Variants in SLC27A6 observed in about 807,000 individuals in gnomAD.
SLC27A6 encodes long-chain fatty acid transport protein 6.
SLC27A6 carries 74 observed loss-of-function variants against 63.9 expected under a neutral mutation model. That is an observed-to-expected ratio of 1.16 (90% confidence interval 0.96 to 1.40). SLC27A6 has a LOEUF of 1.40. Among genes scored for constraint, SLC27A6 ranks in the 40% most tolerant of loss-of-function variants. SLC27A6 has a pLI of 0.00. For synonymous variants in SLC27A6, 287 were observed against 260.8 expected, an observed-to-expected ratio of 1.10 and a Z score of -0.97; for missense variants, 794 against 732.9, an observed-to-expected ratio of 1.08 and a Z score of -0.96.
chr5:128,970,630 C>A (rs1750111437), intron 1 of SLC27A6, among the ~76,000 whole-genome samples: 1 of 151,942 alleles, frequency 6.6e-6, no homozygotes, highest in African/African-American at 2.4e-5. Flanking sequence ...TTTATTGTGT[C>A]TATTTGACTC....
intron 4 of SLC27A6, among the ~76,000 whole-genome samples, chr5:129,015,624 C>CA (rs1209698295): frequency 2.2e-4 from 33 of 149,482 alleles, no homozygotes; most frequent in Non-Finnish European, 2.2e-4. Flanking sequence ...GACATTTACC[C>CA]AAAAAAAAAG....
rs546066069 is a variant in SLC27A6, at chr5:129,018,157, A to G, written c.1164+2078A>G. ...TTCCAGAGCACCCTACTCAAGCCAT[A>G]TTTAGAACTGCTTTTGAAGAGATCT... On this transcript the variant is annotated intron_variant, in intron 5 of 9. Coordinates refer to ENST00000262462, the MANE Select transcript of SLC27A6 (RefSeq NM_001017372.3). Among the ~76,000 whole-genome samples, 7 of 152,232 alleles carry G rather than the reference A, an allele frequency of 4.6e-5. No homozygotes were observed. The South Asian group carries it at 1.5e-3, about 32-fold the overall frequency.
At chr5:128,989,899 G>A (rs1750917152) in intron 3 of SLC27A6, among the ~76,000 whole-genome samples, 1 of 150,348 alleles carries the variant, frequency 6.7e-6, no homozygotes, top group Non-Finnish European at 1.5e-5. Context: ...ACTCCAGCCT[G>A]GATGACAGGG....
intron 4 of SLC27A6, among the ~76,000 whole-genome samples, chr5:128,998,387 ATG>A (rs1751229382): frequency 6.6e-6 from 1 of 151,374 alleles, no homozygotes; most frequent in Admixed American, 6.6e-5. Flanking sequence ...ATTTTGTAGA[ATG>A]TATTTATAAA....
chr5:129,033,431 G>T lies in SLC27A6; in HGVS notation c.*149G>T. 2.3e-6 allele frequency: 1 copy of T among 429,732 alleles called. No individual in the cohort carries two copies. Among genetic ancestry groups the T allele is most frequent in the Non-Finnish European group, 4.1e-6 (1 of 242,458 alleles). The allele number at this position is 429,732 out of a possible 1,614,324, so 26.6% of individuals were successfully genotyped here. A position where few individuals can be genotyped will look rare whatever the true frequency, so the allele number is the denominator to read the frequency against. On this transcript the variant is annotated 3_prime_UTR_variant, in exon 10 of 10. Transcript: ENST00000262462. ...GAGAGATAATTTTTTAATTGCATAA[G>T]AATTTTAATTTCTTTTAATTGATAT...
intron 1 of SLC27A6, among the ~76,000 whole-genome samples, chr5:128,972,627 A>G (rs1224329824): frequency 1.3e-5 from 2 of 152,098 alleles, no homozygotes; most frequent in African/African-American, 4.8e-5. Context: ...CATGTCATTT[A>G]AAGTCCTCTC....
At chr5:129,011,007 T>C (rs1216480368) in intron 4 of SLC27A6, among the ~76,000 whole-genome samples, 1 of 152,206 alleles carries the variant, frequency 6.6e-6, no homozygotes, top group African/African-American at 2.4e-5. Flanking sequence ...TAGAAGACTA[T>C]TCCATTATGT....
intron 4 of SLC27A6, among the ~76,000 whole-genome samples, chr5:129,008,590 C>T (rs556767936): frequency 5.9e-5 from 9 of 152,266 alleles, no homozygotes; most frequent in Admixed American, 1.3e-4. Flanking sequence ...TGCTGTTTGA[C>T]GCAGGAAAAT....
At chr5:129,018,302 G>A (rs1751973704) in intron 5 of SLC27A6, among the ~76,000 whole-genome samples, 1 of 152,028 alleles carries the variant, frequency 6.6e-6, no homozygotes, top group African/African-American at 2.4e-5. Flanking sequence ...ACACCTGGAA[G>A]CAACAAAGTA....
chr5:128,986,963 G>A (rs1750809869), intron 2 of SLC27A6, among the ~76,000 whole-genome samples: 1 of 152,118 alleles, frequency 6.6e-6, no homozygotes, highest in Non-Finnish European at 1.5e-5. Context: ...GAAACTATAA[G>A]CAGGAAACTT....
intron 1 of SLC27A6, among the ~76,000 whole-genome samples, chr5:128,968,749 C>T (rs938412022): frequency 6.6e-6 from 1 of 151,890 alleles, no homozygotes; most frequent in Non-Finnish European, 1.5e-5. Context: ...TTTTGCTGTA[C>T]AGAAGCTCTT....
Position 128,990,464 on chromosome 5 carries a change from G to C in SLC27A6, c.969G>C (p.Lys323Asn), listed in dbSNP as rs761577378. 8 of 1,606,618 alleles carry C rather than the reference G, an allele frequency of 5.0e-6. No homozygotes were observed. In the South Asian group the frequency reaches 9.0e-5, roughly 18 times the overall value. The change falls in exon 4 of 10, where the codon AAG (lysine) becomes AAC (asparagine). Residue 323 changes from lysine to asparagine, a missense_variant and splice_region_variant. Coordinates refer to ENST00000262462, the MANE Select transcript of SLC27A6 (RefSeq NM_001017372.3). ...GTCGCTACCTTTGCAAACAATCTAA[G>C]GTAGGCGTAATCATTATCAGAAAAA... ...ELCRYLCKQSKREGEKDHKVR... is the reference protein window; with the variant it reads ...ELCRYLCKQSNREGEKDHKVR...
intron 9 of SLC27A6, 134 bp downstream of exon 9, chr5:129,029,841 A>G (rs759258448): frequency 9.8e-6 from 7 of 714,440 alleles, no homozygotes; most frequent in Non-Finnish European, 1.6e-5. Flanking sequence ...GTTGATGCAG[A>G]TCGATGCCAT....
intron 1 of SLC27A6, among the ~76,000 whole-genome samples, chr5:128,973,565 G>A (rs577600677): frequency 2.0e-5 from 3 of 152,316 alleles, no homozygotes; most frequent in Admixed American, 6.5e-5. Flanking sequence ...TCGTGGGTGT[G>A]GGACCCACCA....
rs755327509 is a variant in SLC27A6 at position 129,027,329 on chromosome 5, C to G, written c.1452C>G (p.Phe484Leu). ...LYFWDRTGDT[F>L]RWKGENVATT... is the part of the protein sequence containing the mutation. ...TTTGGGACCGTACTGGAGACACTTT[C>G]AGGTATGAAATGTTATGGGATCCAT... Residue 484 changes from phenylalanine (F) to leucine (L), a missense_variant and splice_region_variant, in exon 7 of 10, where the codon TTC (phenylalanine) becomes TTG (leucine). Physicochemically the swap from Phe to Leu is conservative, Grantham distance 22. Transcript: ENST00000262462. The G allele has an allele frequency of 1.4e-5, 22 of 1,606,798 alleles. No individual in the cohort carries two copies. The Admixed American group carries it at 3.3e-4, about 24-fold the overall frequency.
At chr5:128,996,625 A>G (rs1426651366) in intron 4 of SLC27A6, among the ~76,000 whole-genome samples, 1 of 152,108 alleles carries the variant, frequency 6.6e-6, no homozygotes, top group Non-Finnish European at 1.5e-5. Context: ...GGCTGACAAG[A>G]TGAAAATTTT....
At chr5:128,978,967 A>T in intron 1 of SLC27A6, among the ~76,000 whole-genome samples, 1 of 152,102 alleles carries the variant, frequency 6.6e-6, no homozygotes, top group Non-Finnish European at 1.5e-5. Flanking sequence ...GTAGCCTAGG[A>T]GCGATAGGCT....
At chr5:128,995,329 C>T (rs544181130) in intron 4 of SLC27A6, among the ~76,000 whole-genome samples, 1 of 152,084 alleles carries the variant, frequency 6.6e-6, no homozygotes, top group Non-Finnish European at 1.5e-5. Context: ...TTTCCTCATT[C>T]ATTCATTCAT....
intron 9 of SLC27A6, among the ~76,000 whole-genome samples, chr5:129,032,312 A>ATCAG (rs1752440905): frequency 6.6e-6 from 1 of 152,012 alleles, no homozygotes; most frequent in Non-Finnish European, 1.5e-5. Context: ...AATAACCACA[A>ATCAG]TCAGTCACTA....
Sources: allele counts gnomAD v4.1 joint callset (sites outside exome capture counted in the v4.1 genomes callset), GRCh38; gene constraint gnomAD v4.1.1; transcripts MANE v1.5; gene names NCBI Gene and HGNC (gene_info 2026-07-23, HGNC 2026-07-21).